Variants in STXBP5 observed in about 807,000 individuals in gnomAD.
The protein encoded by STXBP5 is syntaxin-binding protein 5.
Under a neutral mutation model 152.4 loss-of-function variants are expected in STXBP5, and 50 were observed. The ratio of observed to expected loss-of-function variants is 0.33; its 90% CI spans 0.26 to 0.42. STXBP5 has a LOEUF of 0.42. STXBP5 is among the 10% of genes least tolerant of loss of function. STXBP5 has a pLI of 1.00. For synonymous variants in STXBP5, 492 were observed against 494.7 expected (o/e 0.99, Z 0.07); for missense variants, 1,167 against 1,388.6 (o/e 0.84, Z 2.54).
intron 2 of STXBP5, among the ~76,000 whole-genome samples, chr6:147,226,660 T>C (rs1297782389): frequency 6.6e-6 from 1 of 152,242 alleles, no homozygotes; most frequent in African/African-American, 2.4e-5. Context: ...AATGAACTGA[T>C]GTTTGTGAGA....
At chr6:147,328,318 C>G (rs1783378230) in intron 18 of STXBP5, among the ~76,000 whole-genome samples, 1 of 152,164 alleles carries the variant, frequency 6.6e-6, no homozygotes, top group Non-Finnish European at 1.5e-5. Context: ...TTGAGGGCAA[C>G]CTGTTTGAGG....
At chr6:147,249,375 C>T (rs1223847809) in intron 4 of STXBP5, among the ~76,000 whole-genome samples, 2 of 152,072 alleles carry the variant, frequency 1.3e-5, no homozygotes, top group South Asian at 2.1e-4. Flanking sequence ...GGAAGAATTT[C>T]GAGGAGTATG....
chr6:147,303,037 G>T (rs959240987), intron 9 of STXBP5, among the ~76,000 whole-genome samples: 1 of 152,086 alleles, frequency 6.6e-6, no homozygotes, highest in Non-Finnish European at 1.5e-5. Flanking sequence ...CGTGGCTCTC[G>T]ACAAATTGCC....
chr6:147,330,431 C>T (rs942377004), intron 18 of STXBP5, among the ~76,000 whole-genome samples: 1 of 151,912 alleles, frequency 6.6e-6, no homozygotes, highest in Non-Finnish European at 1.5e-5. Context: ...TCCTAAGTTC[C>T]TTTATGTAAA....
intron 2 of STXBP5, among the ~76,000 whole-genome samples, chr6:147,220,751 T>C (rs1284566827): frequency 6.6e-6 from 1 of 152,208 alleles, no homozygotes; most frequent in Non-Finnish European, 1.5e-5. Context: ...ATTCTATATG[T>C]GTCTTTATAT....
chr6:147,294,796 G>T (rs1781439117), intron 9 of STXBP5, among the ~76,000 whole-genome samples: 1 of 152,170 alleles, frequency 6.6e-6, no homozygotes, highest in South Asian at 2.1e-4. Context: ...GAAATAGAGA[G>T]CACTGCATAT....
In STXBP5 at chr6:147,386,321, T is replaced by G. The variant is rs1786336800; in HGVS notation, c.*1566T>G. 3 of 152,022 alleles carry G rather than the reference T, an allele frequency of 2.0e-5. No individual in the cohort carries two copies. The highest frequency in any genetic ancestry group is 1.3e-4 in the Admixed American group (2 of 15,238). 9.4% of individuals were successfully genotyped at this position (152,022 alleles called of 1,614,324 possible). A position where few individuals can be genotyped will look rare whatever the true frequency, so the allele number is the denominator to read the frequency against. On this transcript the variant is annotated 3_prime_UTR_variant, in exon 28 of 28. Transcript: ENST00000321680. Reference sequence around the variant, plus strand: ...ACAAATTGATAGTAAACAGGATGGTTGTTTTTCTATTCTATATGATCATTA... The same window carrying G: ...ACAAATTGATAGTAAACAGGATGGTGGTTTTTCTATTCTATATGATCATTA...
rs768803242 is a variant in STXBP5, at chr6:147,239,260, T to C, written c.421T>C (p.Cys141Arg). 1 of 1,613,542 alleles carries C rather than the reference T, an allele frequency of 6.2e-7. No homozygotes were observed. The highest frequency in any genetic ancestry group is 1.1e-5 in the South Asian group (1 of 91,040). The stretch of plus-strand genomic sequence containing the variant: ...TGCCATACTACATTCGCTTAAATTT[T>C]GCAGAGAAAGGTAAGAATTCTCCCA... ...RPAILHSLKFCRERVTFCHLP... is the reference protein window; with the variant it reads ...RPAILHSLKFRRERVTFCHLP... The change falls in exon 4 of 28, where the codon TGC (cysteine) becomes CGC (arginine). Residue 141 changes from cysteine to arginine, a missense_variant. This residue lies in a region of STXBP5 where 310 missense variants were observed against 346.1 expected (regional missense o/e 0.90). Transcript: ENST00000321680.
intron 21 of STXBP5, among the ~76,000 whole-genome samples, chr6:147,344,796 G>A (rs676526): frequency 0.99 from 150,911 of 152,266 alleles, 74,787 homozygotes; most frequent in East Asian, 1. Flanking sequence ...AATTCATTCC[G>A]TAACACTGTG....
Position 147,342,540 on chromosome 6 carries a change from A to C in STXBP5, c.2254+3156A>C, listed in dbSNP as rs978857220. On this transcript the variant is annotated intron_variant, in intron 21 of 27. Transcript: ENST00000321680. ...GCATGTAGTATGTATGCATATGGTA[A>C]TTTGTTTTGCCTGTGTATACCTTAT... Among the ~76,000 whole-genome samples, 22 of 152,198 alleles carry C rather than the reference A, an allele frequency of 1.4e-4. 1 individual carries two copies. The highest frequency in any genetic ancestry group is 1.2e-3 in the Admixed American group (18 of 15,278).
chr6:147,359,093 A>G lies in STXBP5; in HGVS notation c.2315A>G (p.Asp772Gly), dbSNP rs2128411353. 6.2e-7 allele frequency: 1 copy of G among 1,613,844 alleles called. No individual in the cohort carries two copies. The highest frequency in any genetic ancestry group is 1.3e-5 in the African/African-American group (1 of 75,052). The change falls in exon 23 of 28, where the codon GAT (aspartate) becomes GGT (glycine). Residue 772 changes from aspartate (D) to glycine (G), a missense_variant. Physicochemically the swap from Asp to Gly is moderately conservative, Grantham distance 94. This residue lies in a region of STXBP5 where 833 missense variants were observed against 986.3 expected (regional missense o/e 0.84). Coordinates refer to ENST00000321680, the MANE Select transcript of STXBP5 (RefSeq NM_001127715.4). The stretch of plus-strand genomic sequence containing the variant: ...TTTTTAACCATTTCAGATGTAAAGG[A>G]TAACTCCTTTAGCCGATCACGGAGT... ...TDLKPDLDVK[D>G]NSFSRSRSSS...
chr6:147,309,264 A>G (rs927998124), intron 9 of STXBP5, among the ~76,000 whole-genome samples: 13 of 152,184 alleles, frequency 8.5e-5, no homozygotes, highest in Non-Finnish European at 1.9e-4. Context: ...CTAAGAAATC[A>G]TAAATGGAGA....
At chr6:147,361,329 GTATT>G (rs1785055604) in intron 23 of STXBP5, among the ~76,000 whole-genome samples, 1 of 152,078 alleles carries the variant, frequency 6.6e-6, no homozygotes, top group African/African-American at 2.4e-5. Context: ...TACACAAAAA[GTATT>G]TAGTATACTT....
At chr6:147,368,663 T>C (rs1040880254) in intron 25 of STXBP5, among the ~76,000 whole-genome samples, 2 of 152,130 alleles carry the variant, frequency 1.3e-5, no homozygotes, top group Non-Finnish European at 2.9e-5. Flanking sequence ...CGGCTGTCTT[T>C]ATTCACAATG....
chr6:147,297,036 G>A (rs192919569), intron 9 of STXBP5, among the ~76,000 whole-genome samples: 3 of 152,214 alleles, frequency 2.0e-5, no homozygotes, highest in Admixed American at 6.5e-5. Context: ...GAGGAAAGGC[G>A]CAGAAAACAT....
chr6:147,286,137 C>T (rs1022863316), intron 8 of STXBP5, among the ~76,000 whole-genome samples: 1 of 152,004 alleles, frequency 6.6e-6, no homozygotes, highest in Admixed American at 6.6e-5. Context: ...CTCCTTTTTT[C>T]GATACCTTTT....
chr6:147,259,531 T>G (rs1227223583), intron 4 of STXBP5, among the ~76,000 whole-genome samples: 3 of 152,156 alleles, frequency 2.0e-5, no homozygotes, highest in Non-Finnish European at 2.9e-5. Context: ...GAGAATGAGT[T>G]GCGTGTGTAT....
intron 8 of STXBP5, among the ~76,000 whole-genome samples, chr6:147,281,270 C>A (rs769241676): frequency 6.6e-6 from 1 of 152,130 alleles, no homozygotes; most frequent in Non-Finnish European, 1.5e-5. Context: ...GTTGGCCAGG[C>A]TGGTCTCAAA....
chr6:147,230,353 T>C lies in STXBP5; in HGVS notation c.249-4897T>C, dbSNP rs571612094. ...CAGAATTCTAGCTTTTTGCTTATCT[T>C]GCTGGGCCATATTGCTTCATTATTA... On this transcript the variant is annotated intron_variant, in intron 2 of 27. Coordinates refer to ENST00000321680, the MANE Select transcript of STXBP5 (RefSeq NM_001127715.4). Among the ~76,000 whole-genome samples the C allele has an allele frequency of 5.9e-5, 9 of 152,032 alleles. No homozygotes were observed. In the South Asian group the frequency reaches 1.0e-3, roughly 17 times the overall value.
Sources: gnomAD v4.1 joint callset for allele counts (sites outside exome capture counted in the v4.1 genomes callset) on GRCh38, gnomAD v4.1.1 for gene constraint, gnomAD v4.1.1 regional missense constraint, MANE v1.5 for transcripts, NCBI Gene and HGNC (gene_info 2026-07-23, HGNC 2026-07-21) for gene names.